Variants in CENPE observed in about 807,000 individuals in gnomAD.
The protein encoded by CENPE is centromere-associated protein E.
A neutral mutation model predicts 336.1 loss-of-function variants in CENPE; 145 were observed. The observed-to-expected ratio is 0.43, with a 90% CI of 0.38 to 0.50. CENPE has a LOEUF of 0.50. Ranked by LOEUF, CENPE falls within the 20% of genes least tolerant of loss-of-function variation. The pLI, the probability that CENPE is intolerant of heterozygous loss-of-function variation, is 0.00. For synonymous variants in CENPE, 1,013 were observed against 984.8 expected (o/e 1.03, Z -0.54); for missense variants, 2,719 against 3,023.3 (o/e 0.90, Z 2.36).
chr4:103,113,641 T>C (rs1749805382), intron 46 of CENPE, among the ~76,000 whole-genome samples: 1 of 145,470 alleles, frequency 6.9e-6, no homozygotes, highest in African/African-American at 2.5e-5. Context: ...TTATATATTA[T>C]ACACTTATAC....
intron 42 of CENPE, among the ~76,000 whole-genome samples, chr4:103,129,108 A>G (rs550652342): frequency 6.6e-6 from 1 of 152,262 alleles, no homozygotes; most frequent in Admixed American, 6.5e-5. Flanking sequence ...ACAACCCACA[A>G]ATTTGATAAT....
intron 44 of CENPE, among the ~76,000 whole-genome samples, chr4:103,119,830 A>G (rs906263694): frequency 4.6e-5 from 7 of 152,208 alleles, no homozygotes; most frequent in Non-Finnish European, 7.3e-5. Context: ...AAGAATTTAA[A>G]AATTTACTTA....
At chr4:103,150,592 A>T (rs968510751) in intron 26 of CENPE, among the ~76,000 whole-genome samples, 1 of 152,128 alleles carries the variant, frequency 6.6e-6, no homozygotes, top group Non-Finnish European at 1.5e-5. Flanking sequence ...CTCAAAAAAA[A>T]AAGGAGGAAA....
intron 24 of CENPE, among the ~76,000 whole-genome samples, chr4:103,155,148 T>C (rs757282826): frequency 3.3e-5 from 5 of 152,206 alleles, no homozygotes; most frequent in Non-Finnish European, 7.3e-5. Context: ...CTTGGTAACA[T>C]AGGATCTTAG....
chr4:103,113,571 ATATTT>A (rs1210715600), intron 46 of CENPE, among the ~76,000 whole-genome samples: 1 of 142,214 alleles, frequency 7.0e-6, no homozygotes, highest in African/African-American at 2.6e-5. Context: ...TAAGTAATAT[ATATTT>A]TATATTACTT....
chr4:103,112,388 C>T (rs772347681), intron 46 of CENPE, among the ~76,000 whole-genome samples: 77 of 144,738 alleles, frequency 5.3e-4, no homozygotes, highest in Non-Finnish European at 8.4e-4. Flanking sequence ...TACATGTGCA[C>T]GCACAAATAT....
At chr4:103,106,521 A>AT (rs1170091322) in intron 48 of CENPE, among the ~76,000 whole-genome samples, 2 of 152,226 alleles carry the variant, frequency 1.3e-5, no homozygotes, top group Non-Finnish European at 2.9e-5. Flanking sequence ...AAAATGAACT[A>AT]TTAGACAAAC....
At chr4:103,172,527 T>A (rs1360483550) in intron 16 of CENPE, among the ~76,000 whole-genome samples, 2 of 152,066 alleles carry the variant, frequency 1.3e-5, no homozygotes, top group African/African-American at 4.8e-5. Context: ...CCTTTTACTC[T>A]AAGATCTAGA....
In CENPE at chr4:103,149,106, G is replaced by A. The variant is rs1035868322; in HGVS notation, c.3687+12C>T. The A allele has an allele frequency of 1.9e-6, 3 of 1,584,066 alleles. No homozygotes were observed. Among genetic ancestry groups the A allele is most frequent in the African/African-American group, 2.7e-5 (2 of 73,020 alleles). On this transcript the variant is annotated intron_variant, in intron 27 of 48. Transcript: ENST00000265148. The stretch of plus-strand genomic sequence containing the variant: ...AAACACTTAATAGATGAAGGAAAAG[G>A]GTATAACTTACTGTAGCTTCAATTT...
intron 44 of CENPE, among the ~76,000 whole-genome samples, chr4:103,117,660 C>CTTTTTT (rs1300896317): frequency 8.3e-6 from 1 of 120,490 alleles, no homozygotes; most frequent in Non-Finnish European, 1.6e-5. Flanking sequence ...CAGAGTTTTG[C>CTTTTTT]TCTGTCACCT....
In CENPE at chr4:103,109,292, T is replaced by C. The variant is rs546761324; in HGVS notation, c.7725-203A>G. 7.2e-5 allele frequency among the ~76,000 whole-genome samples: 11 copies of C among 152,320 alleles called. No homozygotes were observed. The South Asian group carries it at 1.9e-3, about 26-fold the overall frequency. On this transcript the variant is annotated intron_variant, in intron 47 of 48. Coordinates refer to ENST00000265148, the MANE Select transcript of CENPE (RefSeq NM_001813.3). ...AAGTTCAGAAAACAAAATGGATCTA[T>C]ATAAATTGAATAATATAGTAAGTTT...
intron 45 of CENPE, among the ~76,000 whole-genome samples, chr4:103,115,421 AC>A (rs1339287255): frequency 6.6e-6 from 1 of 152,008 alleles, no homozygotes; most frequent in Non-Finnish European, 1.5e-5. Flanking sequence ...GGCGTGAGCC[AC>A]CGTGCCCGGC....
intron 8 of CENPE, among the ~76,000 whole-genome samples, chr4:103,191,412 T>C (rs1420707925): frequency 2.0e-5 from 3 of 152,138 alleles, no homozygotes; most frequent in Non-Finnish European, 4.4e-5. Flanking sequence ...TGTCCAACAA[T>C]GGTAGACTGG....
At chr4:103,152,793 GA>G (rs2125948161) in intron 25 of CENPE, among the ~76,000 whole-genome samples, 1 of 152,276 alleles carries the variant, frequency 6.6e-6, no homozygotes, top group East Asian at 1.9e-4. Context: ...TATCAGGACT[GA>G]TAATCTGGCG....
In CENPE at chr4:103,158,286, T is replaced by TA; in HGVS notation, c.3033+13dup. The TA allele has an allele frequency of 2.5e-6, 4 of 1,582,960 alleles. No homozygotes were observed. The highest frequency in any genetic ancestry group is 3.4e-6 in the Non-Finnish European group (4 of 1,167,142). ...TACAAGCATATGAAAACTCTGAAAATAAACACCCTTTACCTTTTGCTGAAA... is the reference window on the plus strand; with the variant it reads ...TACAAGCATATGAAAACTCTGAAAATAAAACACCCTTTACCTTTTGCTGAAA... On this transcript the variant is annotated intron_variant, in intron 24 of 48. Coordinates refer to ENST00000265148, the MANE Select transcript of CENPE (RefSeq NM_001813.3).
At chr4:103,136,041 A>G in intron 40 of CENPE, 100 bp downstream of exon 40, 1 of 964,958 alleles carries the variant, frequency 1.0e-6, no homozygotes, top group Non-Finnish European at 1.6e-6. Flanking sequence ...TGGTAGTAAG[A>G]ATACTAAATA....
rs963380776 is a variant in CENPE at position 103,110,910 on chromosome 4, C to T, written c.7642G>A (p.Glu2548Lys). ...ATTTCTTTTTCTAGCCTTATATGTT[C>T]ACTTTTCAAAATAAGAGCTTTTGTG... ...QNTKALILKS[E>K]HIRLEKEISK... is the part of the protein sequence containing the mutation. Residue 2548 changes from glutamate to lysine, a missense_variant, in exon 47 of 49, where the codon GAA (glutamate) becomes AAA (lysine). By Grantham distance (56) the Glu-to-Lys change is moderately conservative. Transcript: ENST00000265148. 7 of 1,611,726 alleles carry T rather than the reference C, an allele frequency of 4.3e-6. No homozygotes were observed. The highest frequency in any genetic ancestry group is 2.2e-5 in the East Asian group (1 of 44,782).
chr4:103,183,178 A>G, intron 10 of CENPE, 23 bp downstream of exon 10: 1 of 1,541,568 alleles, frequency 6.5e-7, no homozygotes, highest in Non-Finnish European at 8.9e-7. Flanking sequence ...TCAGTAGGTA[A>G]GTGCACAACG....
rs1011540168 is a variant in CENPE at position 103,145,424 on chromosome 4, C to T, written c.4573-90G>A. Reference sequence around the variant, plus strand: ...ACAACTTAAGAGGAAAAGGTTGCTTCCCAAAACAATTAAGCATGCCAAATA... The same window carrying T: ...ACAACTTAAGAGGAAAAGGTTGCTTTCCAAAACAATTAAGCATGCCAAATA... On this transcript the variant is annotated intron_variant, in intron 31 of 48. Transcript: ENST00000265148. 7.9e-6 allele frequency: 11 copies of T among 1,397,794 alleles called. No individual in the cohort carries two copies. The South Asian group carries it at 1.5e-4, about 19-fold the overall frequency. The allele number at this position is 1,397,794 out of a possible 1,614,324, so 86.6% of individuals were successfully genotyped here. A position where few individuals can be genotyped will look rare whatever the true frequency, so the allele number is the denominator to read the frequency against.
Sources: gnomAD v4.1 joint callset for allele counts (sites outside exome capture counted in the v4.1 genomes callset) on GRCh38, gnomAD v4.1.1 for gene constraint, MANE v1.5 for transcripts, NCBI Gene and HGNC (gene_info 2026-07-23, HGNC 2026-07-21) for gene names.